Variants in AUTS2 observed in about 807,000 individuals in gnomAD.
The protein encoded by AUTS2 is activator of transcription and developmental regulator AUTS2.
AUTS2 carries 17 observed loss-of-function variants against 112.4 expected under a neutral mutation model. The observed-to-expected ratio is 0.15, with a 90% CI of 0.10 to 0.23. The LOEUF (loss-of-function observed/expected upper bound fraction) is 0.23. Among genes scored for constraint, AUTS2 ranks in the 10% least tolerant of loss-of-function variants. The pLI, the probability that AUTS2 is intolerant of heterozygous loss-of-function variation, is 1.00. For synonymous variants in AUTS2, 751 were observed against 702.7 expected (o/e 1.07, Z -1.09); for missense variants, 1,510 against 1,701.6 (o/e 0.89, Z 1.98).
At chr7:70,748,230 T>G (rs1418062421) in intron 6 of AUTS2, among the ~76,000 whole-genome samples, 4 of 152,176 alleles carry the variant, frequency 2.6e-5, no homozygotes, top group African/African-American at 9.7e-5. Context: ...TTTCCTTTAT[T>G]GATGACAAAT....
At chr7:69,809,935 C>A (rs537192153) in intron 1 of AUTS2, among the ~76,000 whole-genome samples, 2 of 152,352 alleles carry the variant, frequency 1.3e-5, no homozygotes, top group East Asian at 3.9e-4. Flanking sequence ...AAAATCAATT[C>A]TCTACATCAA....
chr7:70,417,319 C>T (rs1007768257), intron 4 of AUTS2, among the ~76,000 whole-genome samples: 13 of 152,178 alleles, frequency 8.5e-5, no homozygotes, highest in Non-Finnish European at 5.9e-5. Flanking sequence ...ATCACAAAAC[C>T]ATCAGGGCGC....
At chr7:69,682,419 G>C (rs1284516071) in intron 1 of AUTS2, among the ~76,000 whole-genome samples, 2 of 148,082 alleles carry the variant, frequency 1.4e-5, no homozygotes, top group Non-Finnish European at 1.5e-5. Flanking sequence ...AACTCTTCCT[G>C]ACCTCTTTGC....
intron 2 of AUTS2, among the ~76,000 whole-genome samples, chr7:69,981,789 TTAG>T (rs1487157190): frequency 1.3e-5 from 2 of 152,206 alleles, no homozygotes; most frequent in Non-Finnish European, 2.9e-5. Context: ...CATCAGAGCA[TTAG>T]TAGGTCACTA....
intron 1 of AUTS2, among the ~76,000 whole-genome samples, chr7:69,695,188 ATG>A (rs1333191638): frequency 6.6e-5 from 10 of 151,998 alleles, no homozygotes; most frequent in Non-Finnish European, 1.3e-4. Context: ...AAAAAGTCAC[ATG>A]TGGTGGCACA....
intron 5 of AUTS2, among the ~76,000 whole-genome samples, chr7:70,666,215 GAAT>G (rs1169049840): frequency 6.6e-6 from 1 of 152,174 alleles, no homozygotes; most frequent in East Asian, 1.9e-4. Context: ...TGCAAAATGG[GAAT>G]AATGATAATG....
At chr7:70,148,428 TTTAA>T (rs1356059275) in intron 4 of AUTS2, among the ~76,000 whole-genome samples, 2 of 152,110 alleles carry the variant, frequency 1.3e-5, no homozygotes, top group Non-Finnish European at 2.9e-5. Context: ...TTGAGTCCTG[TTTAA>T]TTAATTCTTG....
chr7:70,648,435 T>A (rs940528062), intron 5 of AUTS2, among the ~76,000 whole-genome samples: 1 of 152,208 alleles, frequency 6.6e-6, no homozygotes, highest in Non-Finnish European at 1.5e-5. Context: ...AGTTTGCAGT[T>A]CTGTGTTGTA....
Position 69,688,160 on chromosome 7 carries a change from A to C in AUTS2, c.309+88198A>C, listed in dbSNP as rs142265917. ...AACAGCCTGGGTAGGGAGTGACCAA[A>C]AGTTATTACCAGTTGACAGCTGTTG... On this transcript the variant is annotated intron_variant, in intron 1 of 18. Transcript: ENST00000342771. Among the ~76,000 whole-genome samples, 6 of 152,322 alleles carry C rather than the reference A, an allele frequency of 3.9e-5. No individual in the cohort carries two copies. The East Asian group carries it at 1.2e-3, about 29-fold the overall frequency.
intron 4 of AUTS2, among the ~76,000 whole-genome samples, chr7:70,427,352 T>A (rs2130773303): frequency 6.6e-6 from 1 of 152,346 alleles, no homozygotes; most frequent in South Asian, 2.1e-4. Context: ...TGGCAACCAC[T>A]GAGGTTTGTG....
At chr7:70,086,432 A>T (rs1388818268) in intron 2 of AUTS2, among the ~76,000 whole-genome samples, 1 of 152,122 alleles carries the variant, frequency 6.6e-6, no homozygotes, top group African/African-American at 2.4e-5. Context: ...ACCTGAGGTC[A>T]GGAGTTCAAG....
intron 2 of AUTS2, among the ~76,000 whole-genome samples, chr7:70,054,603 A>G (rs978782347): frequency 3.3e-5 from 5 of 152,182 alleles, no homozygotes; most frequent in African/African-American, 1.2e-4. Context: ...TTTTTCTGAC[A>G]AGATGGTTTT....
chr7:69,700,960 C>T (rs1285629984), intron 1 of AUTS2, among the ~76,000 whole-genome samples: 1 of 152,162 alleles, frequency 6.6e-6, no homozygotes. Context: ...AGAAACATGC[C>T]TTGAAGCTTT....
chr7:70,663,470 G>A (rs534750788), intron 5 of AUTS2, among the ~76,000 whole-genome samples: 1 of 152,278 alleles, frequency 6.6e-6, no homozygotes, highest in East Asian at 1.9e-4. Flanking sequence ...GGCTTCAATG[G>A]AACGGACGTT....
rs114047253 is a variant in AUTS2, at chr7:70,700,231, A to C, written c.742+1611A>C. ...TTACAGAGTGTGATTTGTGGCATCT[A>C]TTTGGTTGTGAATAGCCCTCCCCCT... On this transcript the variant is annotated intron_variant, in intron 6 of 18. Coordinates refer to ENST00000342771, the MANE Select transcript of AUTS2 (RefSeq NM_015570.4). Among the ~76,000 whole-genome samples the C allele has an allele frequency of 3.1e-3, 474 of 151,180 alleles. 3 individuals are homozygous for C. The highest frequency in any genetic ancestry group is 0.011 in the African/African-American group (454 of 41,112).
chr7:70,438,804 T>C (rs901340754), intron 5 of AUTS2, among the ~76,000 whole-genome samples: 2 of 152,190 alleles, frequency 1.3e-5, no homozygotes, highest in Admixed American at 1.3e-4. Context: ...GAATTGCTAA[T>C]GGTGGAAAAG....
intron 1 of AUTS2, among the ~76,000 whole-genome samples, chr7:69,634,142 C>T (rs1055065774): frequency 1.3e-5 from 2 of 149,704 alleles, no homozygotes; most frequent in Non-Finnish European, 3.0e-5. Context: ...TTTTTTGAGA[C>T]GGAGTCTCGC....
At chr7:69,610,135 CA>C (rs1270145682) in intron 1 of AUTS2, among the ~76,000 whole-genome samples, 2 of 152,206 alleles carry the variant, frequency 1.3e-5, no homozygotes, top group Non-Finnish European at 2.9e-5. Flanking sequence ...ATTAATTTGG[CA>C]GACCAAATAG....
intron 4 of AUTS2, among the ~76,000 whole-genome samples, chr7:70,338,880 T>TTTA (rs67651834): frequency 3.6e-5 from 3 of 84,356 alleles, no homozygotes; most frequent in East Asian, 3.4e-4. Context: ...TTATTTATTT[T>TTTA]GAGACAGAGT....
Sources: allele counts gnomAD v4.1 joint callset (sites outside exome capture counted in the v4.1 genomes callset), GRCh38; gene constraint gnomAD v4.1.1; transcripts MANE v1.5; gene names NCBI Gene and HGNC (gene_info 2026-07-23, HGNC 2026-07-21).